TENT4B: variants seen among roughly 807,000 people sequenced by gnomAD.
The protein encoded by TENT4B is PAP associated domain containing 5.
TENT4B carries 10 observed loss-of-function variants against 75.0 expected under a neutral mutation model. The ratio of observed to expected loss-of-function variants is 0.13; its 90% CI spans 0.08 to 0.23. The LOEUF (loss-of-function observed/expected upper bound fraction) is 0.23, where lower values mean the gene tolerates loss of function less well. Ranked by LOEUF, TENT4B falls within the 10% of genes least tolerant of loss-of-function variation. TENT4B has a pLI of 1.00. For missense variants in TENT4B, 579 were observed against 893.8 expected, an observed-to-expected ratio of 0.65 and a Z score of 4.49; for synonymous variants, 350 against 357.7, an observed-to-expected ratio of 0.98 and a Z score of 0.24.
intron 10 of TENT4B, among the ~76,000 whole-genome samples, chr16:50,226,645 T>A (rs1249572864): frequency 6.6e-6 from 1 of 151,364 alleles, no homozygotes; most frequent in Non-Finnish European, 1.5e-5. Context: ...CTTGATCGCC[T>A]GACCTCATGA....
At chr16:50,172,703 G>T (rs879476885) in intron 1 of TENT4B, among the ~76,000 whole-genome samples, 1 of 151,964 alleles carries the variant, frequency 6.6e-6, no homozygotes, top group African/African-American at 2.4e-5. Context: ...CACTCTTGGT[G>T]TTGCAGTTTC....
At position 50,182,677 on chromosome 16, in the gene TENT4B, A is replaced by G. The variant is rs965826531; in HGVS notation, c.638+28418A>G. Among the ~76,000 whole-genome samples the G allele has an allele frequency of 2.6e-5, 4 of 152,238 alleles. No individual in the cohort carries two copies. The East Asian group carries it at 5.8e-4, about 22-fold the overall frequency. ...CTTAAGCATTCTCTTATTCTTGGAC[A>G]TCTAAATTGCTTCTTATTTTCTATT... On this transcript the variant is annotated intron_variant, in intron 1 of 11. Coordinates refer to ENST00000561678, the MANE Select transcript of TENT4B (RefSeq NM_001365324.3).
chr16:50,206,955 T>A (rs28412491), intron 1 of TENT4B, among the ~76,000 whole-genome samples: 3,041 of 151,396 alleles, frequency 0.02, 105 homozygotes, highest in African/African-American at 0.071. Flanking sequence ...ATTTTTTAAA[T>A]ATGGAATCTG....
intron 1 of TENT4B, among the ~76,000 whole-genome samples, chr16:50,167,714 G>C (rs1336862110): frequency 6.6e-6 from 1 of 152,140 alleles, no homozygotes; most frequent in Non-Finnish European, 1.5e-5. Context: ...CTGGAGTGCA[G>C]TGGTGTGATC....
At chr16:50,154,874 C>G (rs2037860369) in intron 1 of TENT4B, among the ~76,000 whole-genome samples, 1 of 152,114 alleles carries the variant, frequency 6.6e-6, no homozygotes, top group Non-Finnish European at 1.5e-5. Flanking sequence ...ATTCCCATGT[C>G]ACAGATGCCC....
intron 1 of TENT4B, among the ~76,000 whole-genome samples, chr16:50,174,234 A>T (rs2038260133): frequency 6.6e-6 from 1 of 152,008 alleles, no homozygotes; most frequent in Non-Finnish European, 1.5e-5. Flanking sequence ...AATAGCTGGG[A>T]TTACAAGCAT....
intron 1 of TENT4B, among the ~76,000 whole-genome samples, chr16:50,170,972 T>TA (rs2038195328): frequency 6.6e-6 from 1 of 151,490 alleles, no homozygotes; most frequent in Non-Finnish European, 1.5e-5. Flanking sequence ...TTTTTTTTTT[T>TA]TAATTGTAGT....
intron 1 of TENT4B, among the ~76,000 whole-genome samples, chr16:50,180,116 T>TC (rs2038384749): frequency 6.6e-6 from 1 of 151,864 alleles, no homozygotes; most frequent in Non-Finnish European, 1.5e-5. Flanking sequence ...TTTTTCTTTT[T>TC]TTTTTGAGAT....
Position 50,155,272 on chromosome 16 carries a change from G to GGTGTGTGTGTGTGTGTGTGTGT in TENT4B, c.638+1032_638+1053dup, listed in dbSNP as rs60683678. Among the ~76,000 whole-genome samples the GGTGTGTGTGTGTGTGTGTGTGT allele has an allele frequency of 2.3e-3, 313 of 135,460 alleles. 4 individuals are homozygous for GGTGTGTGTGTGTGTGTGTGTGT. The highest frequency in any genetic ancestry group is 3.9e-3 in the South Asian group (15 of 3,836). 88.9% of individuals were successfully genotyped at this position (135,460 alleles called of 152,430 possible). ...TAAAACAAAGCTTTTGGGTCTCGTG[G>GGTGTGTGTGTGTGTGTGTGTGT]GTGTGTGTGTGTGTGTGTGTGTGTG... On this transcript the variant is annotated intron_variant, in intron 1 of 11. Coordinates refer to ENST00000561678, the MANE Select transcript of TENT4B (RefSeq NM_001365324.3).
Position 50,154,233 on chromosome 16 carries a change from G to C in TENT4B, c.612G>C (p.Arg204=). ...GVVYSGTPWK[R]RNYNQGVVGL... ...TGTACAGCGGGACCCCGTGGAAACG[G>C]AGGAACTACAACCAGGGAGTCGTGG... Residue 204 remains arginine, a synonymous_variant, in exon 1 of 12, where the codon CGG becomes CGC. Transcript: ENST00000561678. 6 of 1,460,528 alleles carry C rather than the reference G, an allele frequency of 4.1e-6. No individual in the cohort carries two copies. The highest frequency in any genetic ancestry group is 5.4e-6 in the Non-Finnish European group (6 of 1,113,334). The allele number at this position is 1,460,528 out of a possible 1,614,324, so 90.5% of individuals were successfully genotyped here.
intron 1 of TENT4B, among the ~76,000 whole-genome samples, chr16:50,178,207 G>C (rs994165871): frequency 2.7e-5 from 4 of 145,666 alleles, no homozygotes; most frequent in Non-Finnish European, 6.0e-5. Context: ...CTGTACTCCA[G>C]CACTTTGGGA....
chr16:50,226,371 T>G (rs972764526), intron 10 of TENT4B, among the ~76,000 whole-genome samples: 1 of 152,230 alleles, frequency 6.6e-6, no homozygotes, highest in Non-Finnish European at 1.5e-5. Flanking sequence ...AATATAGTCT[T>G]GTGTAAGGCT....
At chr16:50,154,362 A>G in intron 1 of TENT4B, 103 bp downstream of exon 1, 2 of 1,338,078 alleles carry the variant, frequency 1.5e-6, no homozygotes, top group Non-Finnish European at 1.9e-6. Context: ...GGCCACCCCC[A>G]CGGCCTGCCT....
At chr16:50,177,017 T>C (rs2038324029) in intron 1 of TENT4B, among the ~76,000 whole-genome samples, 1 of 151,818 alleles carries the variant, frequency 6.6e-6, no homozygotes, top group Non-Finnish European at 1.5e-5. Flanking sequence ...ATTTTTTTTT[T>C]TTTGAGATGG....
At chr16:50,168,853 CCAGGCTGGTCTTGAACTCCTGGCCT>C (rs2038152371) in intron 1 of TENT4B, among the ~76,000 whole-genome samples, 1 of 151,914 alleles carries the variant, frequency 6.6e-6, no homozygotes, top group Non-Finnish European at 1.5e-5. Flanking sequence ...AACATGTTGG[CCAGGCTGGTCTTGAACTCCTGGCCT>C]CAGGTGGTCC....
intron 7 of TENT4B, among the ~76,000 whole-genome samples, chr16:50,223,931 T>A (rs995527780): frequency 5.3e-5 from 8 of 152,248 alleles, no homozygotes; most frequent in African/African-American, 1.9e-4. Context: ...TTCCATGCTT[T>A]TCTGAAGTTC....
intron 1 of TENT4B, among the ~76,000 whole-genome samples, chr16:50,172,155 A>T (rs550880316): frequency 6.6e-6 from 1 of 152,222 alleles, no homozygotes; most frequent in Non-Finnish European, 1.5e-5. Context: ...TTTGAGACCA[A>T]CCTGGCTAAC....
chr16:50,225,329 C>A, intron 10 of TENT4B, 44 bp downstream of exon 10: 1 of 1,541,070 alleles, frequency 6.5e-7, no homozygotes, highest in South Asian at 1.2e-5. Context: ...GATGCATGCA[C>A]GTTCTCTTGC....
chr16:50,199,569 C>G (rs972904447), intron 1 of TENT4B, among the ~76,000 whole-genome samples: 2 of 152,208 alleles, frequency 1.3e-5, no homozygotes, highest in East Asian at 1.9e-4. Flanking sequence ...GATCTGTTTA[C>G]TGTCTCCATA....
Sources: allele counts gnomAD v4.1 joint callset (sites outside exome capture counted in the v4.1 genomes callset), GRCh38; gene constraint gnomAD v4.1.1; transcripts MANE v1.5; gene names NCBI Gene and HGNC (gene_info 2026-07-23, HGNC 2026-07-21).